FAM171A1: variants seen among roughly 807,000 people sequenced by gnomAD.
FAM171A1 encodes family with sequence similarity 171 member A1, also known as protein FAM171A1.
A neutral mutation model predicts 74.9 loss-of-function variants in FAM171A1; 23 were observed. The observed-to-expected ratio is 0.31, with a 90% CI of 0.22 to 0.44. The LOEUF (loss-of-function observed/expected upper bound fraction) is 0.44, where lower values mean the gene tolerates loss of function less well. FAM171A1 is among the 20% of genes least tolerant of loss of function. The pLI, the probability that FAM171A1 is intolerant of heterozygous loss-of-function variation, is 1.00. For missense variants in FAM171A1, 1,162 were observed against 1,159.2 expected, an observed-to-expected ratio of 1.00 and a Z score of -0.03; for synonymous variants, 527 against 505.7, an observed-to-expected ratio of 1.04 and a Z score of -0.57.
At chr10:15,229,804 CCATCACCACCACCATCACCATCATCAT>C (rs1834174932) in intron 5 of FAM171A1, among the ~76,000 whole-genome samples, 1 of 13,062 alleles carries the variant, frequency 7.7e-5, no homozygotes, top group Non-Finnish European at 1.4e-4. Context: ...ACCATCATCA[CCATCACCACCACCATCACCATCATCAT>C]CATCACCACC....
At chr10:15,219,468 T>C (rs1426888974) in intron 6 of FAM171A1, among the ~76,000 whole-genome samples, 1 of 152,216 alleles carries the variant, frequency 6.6e-6, no homozygotes, top group African/African-American at 2.4e-5. Context: ...TTTCCTTCCT[T>C]TGTTTCTCTT....
intron 1 of FAM171A1, among the ~76,000 whole-genome samples, chr10:15,325,228 G>A (rs907482802): frequency 6.6e-6 from 1 of 152,182 alleles, no homozygotes; most frequent in African/African-American, 2.4e-5. Flanking sequence ...AAGGCCCGGG[G>A]CTCACACCTG....
chr10:15,352,654 A>T (rs1211290415), intron 1 of FAM171A1, among the ~76,000 whole-genome samples: 1 of 152,254 alleles, frequency 6.6e-6, no homozygotes, highest in Non-Finnish European at 1.5e-5. Context: ...AATTGTTTCA[A>T]AAAGTTGTGG....
intron 1 of FAM171A1, among the ~76,000 whole-genome samples, chr10:15,328,460 A>C (rs941956112): frequency 2.6e-5 from 4 of 152,176 alleles, no homozygotes; most frequent in Admixed American, 6.5e-5. Flanking sequence ...TGTTGTTTTA[A>C]ATCAGGAACT....
intron 1 of FAM171A1, among the ~76,000 whole-genome samples, chr10:15,302,008 G>GT (rs1157520046): frequency 2.0e-5 from 3 of 152,162 alleles, no homozygotes; most frequent in African/African-American, 7.2e-5. Context: ...CAATTTTTGG[G>GT]TAATGTCTTT....
intron 1 of FAM171A1, 97 bp from the exon 2 acceptor site, chr10:15,284,202 G>A (rs899411717): frequency 4.6e-6 from 5 of 1,094,016 alleles, no homozygotes; most frequent in Non-Finnish European, 4.0e-6. Flanking sequence ...GGAGGGCTCT[G>A]TAAGGACATC....
At chr10:15,351,259 G>A (rs1398243541) in intron 1 of FAM171A1, among the ~76,000 whole-genome samples, 19 of 152,132 alleles carry the variant, frequency 1.2e-4, no homozygotes, top group Admixed American at 9.8e-4. Flanking sequence ...GGGTGGCCCC[G>A]GACTGAAGAG....
intron 1 of FAM171A1, among the ~76,000 whole-genome samples, chr10:15,337,244 G>A (rs868140684): frequency 2.6e-5 from 4 of 152,182 alleles, no homozygotes; most frequent in Admixed American, 2.6e-4. Context: ...GGAACAATTA[G>A]AGGATAAATC....
rs186261886 is a variant in FAM171A1, at chr10:15,317,473, C to T, written c.98-33368G>A. ...TGTAGTGGTACGATCTCAGCTTCTA[C>T]GACCTCCACTTCCCAGGTTCAAGCG... On this transcript the variant is annotated intron_variant, in intron 1 of 7. Transcript: ENST00000378116. 1.4e-4 allele frequency among the ~76,000 whole-genome samples: 21 copies of T among 152,222 alleles called. No individual in the cohort carries two copies. In the East Asian group the frequency reaches 2.1e-3, roughly 15 times the overall value.
At position 15,292,400 on chromosome 10, in the gene FAM171A1, C is replaced by G. The variant is rs576729242; in HGVS notation, c.98-8295G>C. On this transcript the variant is annotated intron_variant, in intron 1 of 7. Transcript: ENST00000378116. ...GCCATTCTTTCTTTCATGCATTGCT[C>G]CCACCATCCCCACTTTTTTGCTGAA... 5.5e-4 allele frequency among the ~76,000 whole-genome samples: 84 copies of G among 152,274 alleles called. 1 individual carries two copies. In the South Asian group the frequency reaches 0.017, roughly 31 times the overall value.
At chr10:15,369,189 C>A (rs2131896834) in intron 1 of FAM171A1, among the ~76,000 whole-genome samples, 1 of 140,296 alleles carries the variant, frequency 7.1e-6, no homozygotes, top group South Asian at 2.1e-4. Flanking sequence ...TGGTCTTAGA[C>A]CTAAACCTGT....
intron 5 of FAM171A1, among the ~76,000 whole-genome samples, chr10:15,228,340 T>C (rs927950917): frequency 6.7e-6 from 1 of 148,650 alleles, no homozygotes; most frequent in Non-Finnish European, 1.5e-5. Flanking sequence ...GGGAGTATTT[T>C]TTTTTTTTTT....
At chr10:15,224,345 G>A (rs771344091) in intron 5 of FAM171A1, among the ~76,000 whole-genome samples, 2 of 152,148 alleles carry the variant, frequency 1.3e-5, no homozygotes, top group African/African-American at 2.4e-5. Context: ...GAGCAGCTGT[G>A]CCCGGGCTGG....
intron 5 of FAM171A1, among the ~76,000 whole-genome samples, chr10:15,225,582 C>G (rs770275407): frequency 2.0e-5 from 3 of 152,200 alleles, no homozygotes; most frequent in Admixed American, 6.5e-5. Flanking sequence ...GGGATGCAGA[C>G]AGTTTCACCA....
intron 3 of FAM171A1, among the ~76,000 whole-genome samples, chr10:15,259,127 CCTAT>C (rs1329340421): frequency 1.3e-5 from 2 of 152,154 alleles, no homozygotes; most frequent in Non-Finnish European, 2.9e-5. Flanking sequence ...CATCATTCTC[CCTAT>C]CTATCATCCT....
intron 5 of FAM171A1, among the ~76,000 whole-genome samples, chr10:15,232,741 A>G (rs1312043582): frequency 6.6e-5 from 10 of 152,228 alleles, no homozygotes. Context: ...TTGGCATTGA[A>G]GCGGGAATCC....
At chr10:15,301,945 G>A (rs1376913267) in intron 1 of FAM171A1, among the ~76,000 whole-genome samples, 2 of 152,110 alleles carry the variant, frequency 1.3e-5, no homozygotes, top group African/African-American at 2.4e-5. Context: ...AGTGGACTAC[G>A]GTCCTAGAGA....
At chr10:15,295,236 C>A (rs2131821476) in intron 1 of FAM171A1, among the ~76,000 whole-genome samples, 1 of 152,264 alleles carries the variant, frequency 6.6e-6, no homozygotes, top group South Asian at 2.1e-4. Context: ...CCACGCCCGG[C>A]CAGCATGCCT....
intron 1 of FAM171A1, among the ~76,000 whole-genome samples, chr10:15,295,431 A>T (rs1020420302): frequency 3.9e-5 from 6 of 152,324 alleles, no homozygotes; most frequent in Middle Eastern, 3.4e-3. Flanking sequence ...CTTTCTGCAC[A>T]GTCTGCCCTT....
Sources: gnomAD v4.1 joint callset for allele counts (sites outside exome capture counted in the v4.1 genomes callset) on GRCh38, gnomAD v4.1.1 for gene constraint, MANE v1.5 for transcripts, NCBI Gene and HGNC (gene_info 2026-07-23, HGNC 2026-07-21) for gene names.